NHS: variants seen among roughly 807,000 people sequenced by gnomAD.
NHS encodes the protein NHS actin remodeling regulator.
Under a neutral mutation model 72.5 loss-of-function variants are expected in NHS, and 5 were observed. That is an observed-to-expected ratio of 0.07 (90% CI 0.04 to 0.14). The LOEUF is 0.14. NHS is among the 10% of genes least tolerant of loss of function. The probability of loss-of-function intolerance (pLI) is 1.00; values close to 1 mark genes in which losing one functional copy is unlikely to be tolerated. For synonymous variants in NHS, 464 were observed against 547.7 expected (o/e 0.85, Z 2.13); for missense variants, 1,072 against 1,355.7 (o/e 0.79, Z 3.29).
At chrX:17,549,820 G>A in intron 1 of NHS, among the ~76,000 whole-genome samples, 1 of 111,244 alleles carries the variant, frequency 9.0e-6, no homozygotes, top group South Asian at 3.8e-4. Flanking sequence ...AAGAATTGGG[G>A]AAGCCTTTAG....
chrX:17,414,696 T>C (rs1486488490), intron 1 of NHS, among the ~76,000 whole-genome samples: 2 of 111,612 alleles, frequency 1.8e-5, no homozygotes, highest in Non-Finnish European at 3.8e-5. Flanking sequence ...ACTGGGTGGC[T>C]GAGACCCTGG....
At chrX:17,503,919 A>G (rs891346340) in intron 1 of NHS, among the ~76,000 whole-genome samples, 4 of 111,508 alleles carry the variant, frequency 3.6e-5, no homozygotes, top group Non-Finnish European at 7.5e-5. Context: ...GACTTCCCAA[A>G]GCACATTCCA....
chrX:17,672,411 A>C (rs757949893), intron 1 of NHS, among the ~76,000 whole-genome samples: 1 of 112,509 alleles, frequency 8.9e-6, no homozygotes, highest in Non-Finnish European at 1.9e-5. Context: ...ACTTCTGCTC[A>C]CATTCTACCA....
intron 1 of NHS, among the ~76,000 whole-genome samples, chrX:17,643,275 T>A (rs1476806697): frequency 8.9e-6 from 1 of 111,907 alleles, no homozygotes; most frequent in Non-Finnish European, 1.9e-5. Context: ...TTTGTGTGTG[T>A]TTTTCTTTCT....
At chrX:17,431,970 T>C (rs1193480776) in intron 1 of NHS, among the ~76,000 whole-genome samples, 4 of 112,171 alleles carry the variant, frequency 3.6e-5, no homozygotes, top group Non-Finnish European at 7.5e-5. Flanking sequence ...GTTTCATTTA[T>C]GTGTCTTCAT....
chrX:17,517,051 G>A (rs1019019635), intron 1 of NHS, among the ~76,000 whole-genome samples: 3 of 112,071 alleles, frequency 2.7e-5, no homozygotes, highest in South Asian at 3.7e-4. Context: ...GCACAGAGGC[G>A]CCCCTTGAAC....
At chrX:17,557,827 C>T (rs1291904963) in intron 1 of NHS, among the ~76,000 whole-genome samples, 1 of 112,122 alleles carries the variant, frequency 8.9e-6, no homozygotes, top group Non-Finnish European at 1.9e-5. Context: ...GGCCATTGGA[C>T]CAAGGCCTCA....
Position 17,735,549 on chromosome X carries a change from CAG to C in NHS, c.*3087_*3088del, listed in dbSNP as rs1017262238. The stretch of plus-strand genomic sequence containing the variant: ...GAGGACATGGACTAGTTGTAGCAAA[CAG>C]AACATGCTGTTTGCTCTTGCCAAAG... On this transcript the variant is annotated 3_prime_UTR_variant, in exon 9 of 9. Transcript: ENST00000676302. 1 of 112,545 alleles carries C rather than the reference CAG, an allele frequency of 8.9e-6. No homozygotes were observed. Among genetic ancestry groups the C allele is most frequent in the African/African-American group, 3.2e-5 (1 of 30,829 alleles). The allele number at this position is 112,545 out of a possible 1,213,427, so 9.3% of individuals were successfully genotyped here. A position where few individuals can be genotyped will look rare whatever the true frequency, so the allele number is the denominator to read the frequency against.
At chrX:17,389,366 G>A (rs1601684520) in intron 1 of NHS, among the ~76,000 whole-genome samples, 1 of 111,231 alleles carries the variant, frequency 9.0e-6, no homozygotes, top group East Asian at 2.9e-4. Context: ...TTCCATGGGG[G>A]GCTTCTGGGC....
At chrX:17,589,017 T>C (rs2065589454) in intron 1 of NHS, among the ~76,000 whole-genome samples, 1 of 112,070 alleles carries the variant, frequency 8.9e-6, no homozygotes, top group Non-Finnish European at 1.9e-5. Flanking sequence ...ATTGAGATTA[T>C]AGTACCTGTC....
At chrX:17,715,176 C>T (rs2066357529) in intron 3 of NHS, among the ~76,000 whole-genome samples, 1 of 111,467 alleles carries the variant, frequency 9.0e-6, no homozygotes, top group African/African-American at 3.3e-5. Flanking sequence ...TGACCTTGCT[C>T]CCAAAGTCCC....
intron 1 of NHS, among the ~76,000 whole-genome samples, chrX:17,661,836 G>C (rs891465025): frequency 7.2e-5 from 8 of 111,706 alleles, no homozygotes; most frequent in African/African-American, 2.3e-4. Flanking sequence ...CCCGTCTAAG[G>C]TCACATTCCT....
At chrX:17,422,688 C>G (rs922707605) in intron 1 of NHS, among the ~76,000 whole-genome samples, 1 of 111,894 alleles carries the variant, frequency 8.9e-6, no homozygotes, top group African/African-American at 3.3e-5. Flanking sequence ...CAAAATTACC[C>G]TCAGTTGAGA....
chrX:17,549,631 C>T (rs952147426), intron 1 of NHS, among the ~76,000 whole-genome samples: 5 of 111,647 alleles, frequency 4.5e-5, no homozygotes, highest in African/African-American at 1.3e-4. Context: ...TTAGCAGAAG[C>T]GTGAGGGCGC....
At chrX:17,698,155 A>T (rs1352654091) in intron 3 of NHS, among the ~76,000 whole-genome samples, 1 of 111,777 alleles carries the variant, frequency 8.9e-6, no homozygotes, top group Non-Finnish European at 1.9e-5. Context: ...TATGCTCTAT[A>T]CATTAAACAC....
At chrX:17,600,414 A>G (rs1174308104) in intron 1 of NHS, among the ~76,000 whole-genome samples, 1 of 111,726 alleles carries the variant, frequency 9.0e-6, no homozygotes, top group African/African-American at 3.3e-5. Flanking sequence ...AAATATTCCA[A>G]TGGAAAATTC....
At chrX:17,452,704 C>A (rs2064810791) in intron 1 of NHS, among the ~76,000 whole-genome samples, 1 of 111,746 alleles carries the variant, frequency 8.9e-6, no homozygotes, top group Non-Finnish European at 1.9e-5. Context: ...CAAGCCACAT[C>A]ATTGGCTGCT....
intron 1 of NHS, among the ~76,000 whole-genome samples, chrX:17,683,038 A>AC (rs2066139106): frequency 8.9e-6 from 1 of 111,972 alleles, no homozygotes; most frequent in Non-Finnish European, 1.9e-5. Flanking sequence ...GACCCCAGTG[A>AC]CCATATCCAT....
chrX:17,464,542 A>C (rs1228784573), intron 1 of NHS, among the ~76,000 whole-genome samples: 1 of 112,245 alleles, frequency 8.9e-6, no homozygotes, highest in Non-Finnish European at 1.9e-5. Flanking sequence ...CCCACCTCCT[A>C]TAATTAAGTG....
Sources: gnomAD v4.1 joint callset for allele counts (sites outside exome capture counted in the v4.1 genomes callset) on GRCh38, gnomAD v4.1.1 for gene constraint, MANE v1.5 for transcripts, NCBI Gene and HGNC (gene_info 2026-07-23, HGNC 2026-07-21) for gene names.